Variants in SLC25A28 observed in about 807,000 individuals in gnomAD.
SLC25A28 encodes the protein solute carrier family 25 member 28, also known as mitoferrin-2.
A neutral mutation model predicts 31.9 loss-of-function variants in SLC25A28; 10 were observed. That is an observed-to-expected ratio of 0.31 (90% CI 0.19 to 0.53). SLC25A28 has a LOEUF of 0.53. Ranked by LOEUF, SLC25A28 falls within the 20% of genes least tolerant of loss-of-function variation. The pLI is 0.95. For missense variants in SLC25A28, 256 were observed against 490.3 expected (o/e 0.52, Z 4.51); for synonymous variants, 208 against 203.6 (o/e 1.02, Z -0.19).
At chr10:99,630,320 C>T in the SLC25A28 span, among the ~76,000 whole-genome samples, 8 of 152,038 alleles carry the variant, frequency 5.3e-5, no homozygotes, top group South Asian at 2.1e-4. Context: ...TTTTGGTAGA[C>T]GCGGGGTTTC....
the SLC25A28 span, among the ~76,000 whole-genome samples, chr10:99,650,239 G>A: frequency 1.3e-5 from 2 of 152,120 alleles, no homozygotes; most frequent in Admixed American, 6.5e-5. Context: ...GTGCAGTGGT[G>A]CGATCACAGC....
At chr10:99,647,349 C>T in the SLC25A28 span, among the ~76,000 whole-genome samples, 1 of 152,186 alleles carries the variant, frequency 6.6e-6, no homozygotes, top group South Asian at 2.1e-4. Flanking sequence ...TTAGTAATAG[C>T]CATTCTGACT....
the SLC25A28 span, among the ~76,000 whole-genome samples, chr10:99,644,513 G>T: frequency 6.6e-6 from 1 of 152,062 alleles, no homozygotes; most frequent in Non-Finnish European, 1.5e-5. Flanking sequence ...TATGCAATTT[G>T]CCAGCCTGTG....
At chr10:99,616,869 G>A in intron 1 of SLC25A28, 1 of 922,164 alleles carries the variant, frequency 1.1e-6, no homozygotes, top group Non-Finnish European at 1.3e-6. Flanking sequence ...TCATGAAGTT[G>A]CTTCACAGAT....
upstream of SLC25A28, among the ~76,000 whole-genome samples, chr10:99,624,886 C>G (rs1346239287): frequency 6.6e-6 from 1 of 152,104 alleles, no homozygotes; most frequent in East Asian, 1.9e-4. Context: ...TTCACAAACC[C>G]TCAGCAGTTT....
chr10:99,637,979 G>A, the SLC25A28 span, among the ~76,000 whole-genome samples: 15 of 152,058 alleles, frequency 9.9e-5, no homozygotes, highest in Admixed American at 2.0e-4. Flanking sequence ...AAAAGAGCCC[G>A]CATAGCCAAA....
chr10:99,632,261 A>G, the SLC25A28 span, among the ~76,000 whole-genome samples: 2,118 of 152,298 alleles, frequency 0.014, 55 homozygotes, highest in African/African-American at 0.048. Context: ...ATTAGGTATT[A>G]TAAGTAATCT....
At chr10:99,617,739 T>A in intron 1 of SLC25A28, 2 of 985,498 alleles carry the variant, frequency 2.0e-6, no homozygotes, top group South Asian at 9.4e-5. Flanking sequence ...TTTCGTATTG[T>A]TGACAACTCC....
chr10:99,614,047 G>C, intron 1 of SLC25A28, 123 bp from the exon 2 acceptor site: 1 of 1,203,120 alleles, frequency 8.3e-7, no homozygotes, highest in South Asian at 1.6e-5. Context: ...CTGGCTTTCA[G>C]CTTATTTCCA....
In SLC25A28 at chr10:99,611,267, C is replaced by T. The variant is rs368000397; in HGVS notation, c.677G>A (p.Arg226His). 1 of 1,614,092 alleles carries T rather than the reference C, an allele frequency of 6.2e-7. No individual in the cohort carries two copies. The highest frequency in any genetic ancestry group is 8.5e-7 in the Non-Finnish European group (1 of 1,180,020). Residue 226 changes from arginine to histidine, a missense_variant, in exon 4 of 4, where the codon CGC becomes CAC. This residue lies in a region of SLC25A28 where 158 missense variants were observed against 379.1 expected (regional missense o/e 0.42). Transcript: ENST00000370495. The surrounding 1 kb of genome is among the most constrained non-coding windows in gnomAD (Gnocchi z 5.5). ...WQNEGAGAFY[R>H]SYTTQLTMNV... ...CATGGTCAGCTGGGTGGTGTAGCTG[C>T]GGTAAAAGGCCCCGGCCCCTTCATT...
chr10:99,636,960 T>C, the SLC25A28 span, among the ~76,000 whole-genome samples: 2 of 152,096 alleles, frequency 1.3e-5, no homozygotes, highest in Non-Finnish European at 2.9e-5. Flanking sequence ...ATCACCCTAA[T>C]ACTAAAACCA....
At chr10:99,646,470 T>G in the SLC25A28 span, among the ~76,000 whole-genome samples, 1 of 152,228 alleles carries the variant, frequency 6.6e-6, no homozygotes, top group African/African-American at 2.4e-5. Flanking sequence ...CGGCTTCCCT[T>G]GGCTAGGAAA....
chr10:99,637,579 C>T, the SLC25A28 span, among the ~76,000 whole-genome samples: 3 of 152,170 alleles, frequency 2.0e-5, no homozygotes, highest in Non-Finnish European at 2.9e-5. Context: ...TAAAAGAATT[C>T]AGCAAAGTTT....
intron 1 of SLC25A28, chr10:99,615,573 T>C (rs2034631766): frequency 7.1e-6 from 7 of 985,362 alleles, no homozygotes; most frequent in Non-Finnish European, 8.4e-6. Context: ...CAATCAGAAA[T>C]ACTCTACACA....
At chr10:99,624,073 T>C (rs1418531921), upstream of SLC25A28, among the ~76,000 whole-genome samples, 1 of 150,720 alleles carries the variant, frequency 6.6e-6, no homozygotes, top group African/African-American at 2.4e-5. Flanking sequence ...TCCTTCTCTT[T>C]CTTCCTTCCT....
the SLC25A28 span, among the ~76,000 whole-genome samples, chr10:99,655,323 A>G: frequency 3.2e-3 from 492 of 152,302 alleles, 3 homozygotes; most frequent in African/African-American, 0.011. Context: ...CTCAAAAAAA[A>G]AGGTAGTTTC....
chr10:99,657,273 A>G, the SLC25A28 span, among the ~76,000 whole-genome samples: 1 of 152,236 alleles, frequency 6.6e-6, no homozygotes, highest in Non-Finnish European at 1.5e-5. Flanking sequence ...TAGAACTCAC[A>G]GAAGGTAAAT....
the SLC25A28 span, among the ~76,000 whole-genome samples, chr10:99,627,547 C>T: frequency 6.6e-6 from 1 of 151,484 alleles, no homozygotes; most frequent in African/African-American, 2.4e-5. Flanking sequence ...CTCAAGCGAT[C>T]CTCCTGCTTC....
At chr10:99,647,643 A>G in the SLC25A28 span, among the ~76,000 whole-genome samples, 1 of 152,106 alleles carries the variant, frequency 6.6e-6, no homozygotes, top group African/African-American at 2.4e-5. Flanking sequence ...TGCTTTGCAG[A>G]AGGTTTTTTG....
Sources: gnomAD v4.1 joint callset for allele counts (sites outside exome capture counted in the v4.1 genomes callset) on GRCh38, gnomAD v4.1.1 for gene constraint, gnomAD v4.1.1 regional missense constraint, Gnocchi (gnomAD v3.1) non-coding constraint, MANE v1.5 for transcripts, NCBI Gene and HGNC (gene_info 2026-07-23, HGNC 2026-07-21) for gene names.